The following PCNX1 variants were observed in gnomAD, a reference collection of about 807,000 sequenced individuals.
The protein encoded by PCNX1 is pecanex 1, also known as pecanex-like protein 1.
A neutral mutation model predicts 242.2 loss-of-function variants in PCNX1; 78 were observed. That is an observed-to-expected ratio of 0.32 (90% confidence interval 0.27 to 0.39). PCNX1 has a LOEUF of 0.39. PCNX1 is among the 10% of genes least tolerant of loss of function. The probability of loss-of-function intolerance (pLI) is 1.00; values close to 1 mark genes in which losing one functional copy is unlikely to be tolerated. For missense variants in PCNX1, 2,581 were observed against 2,856.5 expected (o/e 0.90, Z 2.20); for synonymous variants, 1,024 against 1,032.9 (o/e 0.99, Z 0.17).
intron 30 of PCNX1, chr14:71,093,180 C>G (rs1040458273): frequency 6.6e-6 from 1 of 151,980 alleles, no homozygotes; most frequent in African/African-American, 2.4e-5. Context: ...TTGAAGATGC[C>G]CTTGTTGTTA....
chr14:71,102,204 G>A lies in PCNX1; in HGVS notation c.5804G>A (p.Ser1935Asn), dbSNP rs1566806048. 2 of 1,610,292 alleles carry A rather than the reference G, an allele frequency of 1.2e-6. No homozygotes were observed. Among genetic ancestry groups the A allele is most frequent in the Admixed American group, 1.7e-5 (1 of 60,002 alleles). Residue 1935 changes from serine to asparagine, a missense_variant, in exon 31 of 36, where the codon AGC (serine) becomes AAC (asparagine). Physicochemically the swap from Ser to Asn is conservative, Grantham distance 46. Transcript: ENST00000304743. ...KIIMLNRRYL[S>N]FRVIKVNKEC... ...ATCATGCTCAACAGACGCTACCTGAGCTTCAGGGTCATTAAAGTAAGTGTT... is the reference window on the plus strand; with the variant it reads ...ATCATGCTCAACAGACGCTACCTGAACTTCAGGGTCATTAAAGTAAGTGTT...
At chr14:71,082,992 T>C (rs1003644528) in intron 28 of PCNX1, among the ~76,000 whole-genome samples, 2 of 152,154 alleles carry the variant, frequency 1.3e-5, no homozygotes, top group Non-Finnish European at 2.9e-5. Flanking sequence ...CTGGTACTGG[T>C]TTTTCCTTTC....
intron 1 of PCNX1, among the ~76,000 whole-genome samples, chr14:70,945,605 A>G (rs372878820): frequency 6.6e-6 from 1 of 151,078 alleles, no homozygotes; most frequent in Admixed American, 6.6e-5. Context: ...ATTTGATCAT[A>G]CCTGTATTCT....
At chr14:71,001,904 A>G (rs1566682797) in intron 8 of PCNX1, among the ~76,000 whole-genome samples, 1 of 152,198 alleles carries the variant, frequency 6.6e-6, no homozygotes, top group East Asian at 1.9e-4. Context: ...AGTCGTTGAC[A>G]TTTTCCAGCA....
chr14:71,070,626 G>T (rs1278269044), intron 26 of PCNX1, among the ~76,000 whole-genome samples: 1 of 152,114 alleles, frequency 6.6e-6, no homozygotes, highest in Non-Finnish European at 1.5e-5. Flanking sequence ...TTTTTTTGGA[G>T]CAGAAGGTCT....
intron 5 of PCNX1, among the ~76,000 whole-genome samples, chr14:70,972,120 A>G (rs1383707643): frequency 1.3e-5 from 2 of 152,086 alleles, no homozygotes; most frequent in East Asian, 3.9e-4. Flanking sequence ...AGATACTAAG[A>G]AGATAGGTTA....
At chr14:71,079,801 T>A (rs1237802600) in intron 28 of PCNX1, among the ~76,000 whole-genome samples, 2 of 152,140 alleles carry the variant, frequency 1.3e-5, no homozygotes, top group Non-Finnish European at 2.9e-5. Flanking sequence ...ATTGCAGAAA[T>A]TTTCTCCCAT....
At chr14:71,077,100 A>C (rs1341887789) in intron 28 of PCNX1, among the ~76,000 whole-genome samples, 1 of 152,174 alleles carries the variant, frequency 6.6e-6, no homozygotes, top group Non-Finnish European at 1.5e-5. Flanking sequence ...TAGGCTGGGG[A>C]TCACCCTAGG....
chr14:70,910,446 C>A (rs1010929397), intron 1 of PCNX1, among the ~76,000 whole-genome samples: 7 of 151,818 alleles, frequency 4.6e-5, no homozygotes, highest in African/African-American at 1.7e-4. Context: ...ACCACACACA[C>A]ATTTGCCGCC....
Position 71,109,826 on chromosome 14 carries a change from A to C in PCNX1, c.6917A>C (p.Asp2306Ala). 1 of 1,613,646 alleles carries C rather than the reference A, an allele frequency of 6.2e-7. No homozygotes were observed. Among genetic ancestry groups the C allele is most frequent in the Non-Finnish European group, 8.5e-7 (1 of 1,179,602 alleles). ...CACCGATGGGTGCCTTGCAGCAGAG[A>C]TCCAGGTACCAGATCCCACATCGAC... ...VIHRWVPCSR[D>A]PGTRSHIDKA... is the part of the protein sequence containing the mutation. The change falls in exon 36 of 36, where the codon GAT (aspartate) becomes GCT (alanine). Residue 2306 changes from aspartate to alanine, a missense_variant. Coordinates refer to ENST00000304743, the MANE Select transcript of PCNX1 (RefSeq NM_014982.3).
Position 71,114,127 on chromosome 14 carries a change from C to A in PCNX1, c.*4192C>A, listed in dbSNP as rs1222199404. On this transcript the variant is annotated 3_prime_UTR_variant, in exon 36 of 36. Coordinates refer to ENST00000304743, the MANE Select transcript of PCNX1 (RefSeq NM_014982.3). ...GGTTGGACATTCTGTTTCAGTCTTA[C>A]ATGGATATTGTTTCATTGGTGTTGA... 2 of 152,250 alleles carry A rather than the reference C, an allele frequency of 1.3e-5. No homozygotes were observed. The highest frequency in any genetic ancestry group is 6.8e-3 in the Middle Eastern group (2 of 294). The allele number at this position is 152,250 out of a possible 1,614,324, so 9.4% of individuals were successfully genotyped here.
chr14:70,956,001 C>T (rs1170269583), intron 2 of PCNX1, among the ~76,000 whole-genome samples: 1 of 151,852 alleles, frequency 6.6e-6, no homozygotes, highest in African/African-American at 2.4e-5. Context: ...GTAATTTTGT[C>T]CCCCAGGGCA....
chr14:70,926,279 T>A (rs1157336466), intron 1 of PCNX1, among the ~76,000 whole-genome samples: 1 of 152,010 alleles, frequency 6.6e-6, no homozygotes, highest in Admixed American at 6.6e-5. Flanking sequence ...CTTACTGGTC[T>A]AATGTGGGGT....
Position 70,951,720 on chromosome 14 carries a change from G to A in PCNX1, c.362+4597G>A, listed in dbSNP as rs17108756. On this transcript the variant is annotated intron_variant, in intron 2 of 35. Coordinates refer to ENST00000304743, the MANE Select transcript of PCNX1 (RefSeq NM_014982.3). ...TATTCTCATGCATATACTTACTTTT[G>A]TGAGATATCTTCATGTGTGCTTATC... is the stretch of plus-strand genomic sequence containing the variant. Among the ~76,000 whole-genome samples the A allele has an allele frequency of 8.7e-3, 1,316 of 152,098 alleles. 26 individuals are homozygous for A. Among genetic ancestry groups the A allele is most frequent in the African/African-American group, 0.03 (1,241 of 41,490 alleles).
At chr14:70,933,013 C>T (rs1426010510) in intron 1 of PCNX1, among the ~76,000 whole-genome samples, 2 of 152,140 alleles carry the variant, frequency 1.3e-5, no homozygotes, top group Non-Finnish European at 1.5e-5. Flanking sequence ...TACATTTTCT[C>T]ACTGAGGGGG....
rs59187281 is a variant in PCNX1 at position 71,111,027 on chromosome 14, T to TA, written c.*1093dup. 0.096 allele frequency: 14,704 copies of TA among 152,690 alleles called. 949 individuals are homozygous for TA. Among genetic ancestry groups the TA allele is most frequent in the Admixed American group, 0.21 (3,153 of 15,286 alleles). The allele number at this position is 152,690 out of a possible 1,614,324, so 9.5% of individuals were successfully genotyped here. A position where few individuals can be genotyped will look rare whatever the true frequency, so the allele number is the denominator to read the frequency against. On this transcript the variant is annotated 3_prime_UTR_variant, in exon 36 of 36. Coordinates refer to ENST00000304743, the MANE Select transcript of PCNX1 (RefSeq NM_014982.3). ...AATAAAAGTATCCAAGTGGTGCAGTTATTATTATATCCCTCTTTAATAATT... is the reference window on the plus strand; with the variant it reads ...AATAAAAGTATCCAAGTGGTGCAGTTAATTATTATATCCCTCTTTAATAATT...
intron 2 of PCNX1, among the ~76,000 whole-genome samples, chr14:70,955,748 T>G (rs560177346): frequency 1.1e-4 from 16 of 152,338 alleles, no homozygotes; most frequent in Non-Finnish European, 2.4e-4. Flanking sequence ...TAAAGAAAAC[T>G]CTTACTCAGC....
At chr14:70,942,656 C>A (rs1270363864) in intron 1 of PCNX1, among the ~76,000 whole-genome samples, 3 of 152,300 alleles carry the variant, frequency 2.0e-5, no homozygotes, top group East Asian at 3.9e-4. Context: ...TGGGAAGGGC[C>A]CTGGAGCTTC....
chr14:71,079,625 G>C (rs912218924), intron 28 of PCNX1, among the ~76,000 whole-genome samples: 2 of 152,142 alleles, frequency 1.3e-5, no homozygotes, highest in Admixed American at 6.5e-5. Context: ...TTTCTCTAAT[G>C]ACCATTGATG....
Sources: allele counts gnomAD v4.1 joint callset (sites outside exome capture counted in the v4.1 genomes callset), GRCh38; gene constraint gnomAD v4.1.1; transcripts MANE v1.5; gene names NCBI Gene and HGNC (gene_info 2026-07-23, HGNC 2026-07-21).